NEO1: variants seen among roughly 807,000 people sequenced by gnomAD.
The protein encoded by NEO1 is neogenin 1.
A neutral mutation model predicts 159.7 loss-of-function variants in NEO1; 63 were observed. That is an observed-to-expected ratio of 0.39 (90% confidence interval 0.32 to 0.49). The LOEUF (loss-of-function observed/expected upper bound fraction) is 0.49. NEO1 is among the 20% of genes least tolerant of loss of function. The pLI is 0.85. For synonymous variants in NEO1, 633 were observed against 662.0 expected, an observed-to-expected ratio of 0.96 and a Z score of 0.67; for missense variants, 1,615 against 1,831.0, an observed-to-expected ratio of 0.88 and a Z score of 2.15.
chr15:73,202,098 GGATTA>G (rs961630004), intron 7 of NEO1, among the ~76,000 whole-genome samples: 1 of 151,470 alleles, frequency 6.6e-6, no homozygotes, highest in Admixed American at 6.6e-5. Flanking sequence ...CGAGTAGCTG[GGATTA>G]CAGGCATGCG....
chr15:73,165,348 T>C (rs2034498070), intron 5 of NEO1, among the ~76,000 whole-genome samples: 1 of 152,128 alleles, frequency 6.6e-6, no homozygotes, highest in African/African-American at 2.4e-5. Flanking sequence ...CCTTTTATAC[T>C]GAGTACTTTT....
chr15:73,253,986 C>T (rs2040214264), intron 12 of NEO1, among the ~76,000 whole-genome samples: 1 of 152,134 alleles, frequency 6.6e-6, no homozygotes, highest in South Asian at 2.1e-4. Flanking sequence ...AGGCCCAGAG[C>T]CCTTCTGGAC....
At chr15:73,275,237 C>T (rs2041353616) in intron 21 of NEO1, among the ~76,000 whole-genome samples, 1 of 152,176 alleles carries the variant, frequency 6.6e-6, no homozygotes, top group Non-Finnish European at 1.5e-5. Flanking sequence ...TGTTGTGATT[C>T]TGTGTGACTA....
chr15:73,129,704 T>G (rs1488482329), intron 4 of NEO1, among the ~76,000 whole-genome samples: 1 of 152,200 alleles, frequency 6.6e-6, no homozygotes, highest in African/African-American at 2.4e-5. Flanking sequence ...AATGTTATCT[T>G]TTAATGGAAT....
At chr15:73,098,009 A>G (rs949797719) in intron 1 of NEO1, among the ~76,000 whole-genome samples, 10 of 152,088 alleles carry the variant, frequency 6.6e-5, no homozygotes, top group Non-Finnish European at 1.5e-4. Flanking sequence ...TTTTACATCT[A>G]TAGTGTTTTT....
rs1175157837 is a variant in NEO1, at chr15:73,304,352, A to T, written c.*1656A>T. The T allele has an allele frequency of 6.6e-6, 1 of 152,392 alleles. No individual in the cohort carries two copies. The highest frequency in any genetic ancestry group is 1.5e-5 in the Non-Finnish European group (1 of 68,194). The allele number at this position is 152,392 out of a possible 1,614,324, so 9.4% of individuals were successfully genotyped here. A position where few individuals can be genotyped will look rare whatever the true frequency, so the allele number is the denominator to read the frequency against. Reference sequence around the variant, plus strand: ...TTCCCCTACTCCCCAACAGATCCCCAGAAGACAGCGTGGAAGGCAGTGTAG... The same window carrying T: ...TTCCCCTACTCCCCAACAGATCCCCTGAAGACAGCGTGGAAGGCAGTGTAG... On this transcript the variant is annotated 3_prime_UTR_variant, in exon 29 of 29. Transcript: ENST00000261908.
chr15:73,053,003 G>T (rs938032605), intron 1 of NEO1, among the ~76,000 whole-genome samples, 198 bp downstream of exon 1: 93 of 151,932 alleles, frequency 6.1e-4, no homozygotes, highest in African/African-American at 2.1e-3. Flanking sequence ...GGGAAGGGGC[G>T]GCTGCCGGGG....
At chr15:73,191,064 G>A (rs2036213210) in intron 7 of NEO1, among the ~76,000 whole-genome samples, 1 of 151,982 alleles carries the variant, frequency 6.6e-6, no homozygotes, top group African/African-American at 2.4e-5. Flanking sequence ...TAGATATGTT[G>A]TTTGCAGACA....
intron 7 of NEO1, among the ~76,000 whole-genome samples, chr15:73,205,997 TC>T (rs2037200873): frequency 6.6e-6 from 1 of 152,116 alleles, no homozygotes. Flanking sequence ...AACCCCTGCC[TC>T]CCAGGCTCAA....
At chr15:73,226,002 C>T (rs887746400) in intron 7 of NEO1, among the ~76,000 whole-genome samples, 2 of 152,114 alleles carry the variant, frequency 1.3e-5, no homozygotes, top group Non-Finnish European at 2.9e-5. Context: ...TTGCTTGGCT[C>T]GCTAAATTGA....
rs554423836 is a variant in NEO1 at position 73,278,867 on chromosome 15, GA to G, written c.3262+669del. ...CCAAAACCCAGGGCTTCTCATTTCT[GA>G]TTGTGCTTTTCCCACTGTCACATTC... On this transcript the variant is annotated intron_variant, in intron 22 of 28. Coordinates refer to ENST00000261908, the MANE Select transcript of NEO1 (RefSeq NM_002499.4). Among the ~76,000 whole-genome samples, 181 of 152,306 alleles carry G rather than the reference GA, an allele frequency of 1.2e-3. 1 individual carries two copies. Among genetic ancestry groups the G allele is most frequent in the African/African-American group, 4.1e-3 (171 of 41,566 alleles).
intron 7 of NEO1, among the ~76,000 whole-genome samples, chr15:73,232,499 C>T (rs950185041): frequency 6.6e-6 from 1 of 152,136 alleles, no homozygotes; most frequent in African/African-American, 2.4e-5. Context: ...TTAGTTTGCC[C>T]AGCCTTTGCT....
intron 7 of NEO1, among the ~76,000 whole-genome samples, chr15:73,192,000 C>T (rs1308393774): frequency 6.6e-6 from 1 of 151,928 alleles, no homozygotes; most frequent in African/African-American, 2.4e-5. Flanking sequence ...GATGAAACAG[C>T]TAACAAGCAG....
At chr15:73,117,049 C>G (rs1344227058) in intron 2 of NEO1, among the ~76,000 whole-genome samples, 192 bp downstream of exon 2, 2 of 152,164 alleles carry the variant, frequency 1.3e-5, no homozygotes, top group Non-Finnish European at 2.9e-5. Flanking sequence ...AGAGAATAAA[C>G]TGTAGCGTGT....
chr15:73,107,360 T>C (rs1245925312), intron 1 of NEO1, among the ~76,000 whole-genome samples: 1 of 152,196 alleles, frequency 6.6e-6, no homozygotes, highest in African/African-American at 2.4e-5. Flanking sequence ...TTATTTAGGA[T>C]GGCTTCCAGA....
At chr15:73,274,752 T>G in intron 21 of NEO1, 28 bp downstream of exon 21, 1 of 1,602,150 alleles carries the variant, frequency 6.2e-7, no homozygotes, top group Non-Finnish European at 8.5e-7. Flanking sequence ...CTCTCTTTTC[T>G]TTCCTTTCTT....
intron 7 of NEO1, among the ~76,000 whole-genome samples, chr15:73,231,176 A>G (rs2038887581): frequency 6.6e-6 from 1 of 152,230 alleles, no homozygotes. Flanking sequence ...TAAAATAGTT[A>G]AATAACGCTG....
intron 15 of NEO1, among the ~76,000 whole-genome samples, chr15:73,264,620 A>G (rs769403333): frequency 6.6e-6 from 1 of 152,356 alleles, no homozygotes; most frequent in East Asian, 1.9e-4. Flanking sequence ...TAAGATGCCT[A>G]TGATGTTGAG....
At chr15:73,069,062 C>A (rs1009000089) in intron 1 of NEO1, among the ~76,000 whole-genome samples, 7 of 151,392 alleles carry the variant, frequency 4.6e-5, no homozygotes, top group Non-Finnish European at 8.8e-5. Context: ...AAATGATCCT[C>A]CCCCCTTCAG....
Sources: gnomAD v4.1 joint callset for allele counts (sites outside exome capture counted in the v4.1 genomes callset) on GRCh38, gnomAD v4.1.1 for gene constraint, MANE v1.5 for transcripts, NCBI Gene and HGNC (gene_info 2026-07-23, HGNC 2026-07-21) for gene names.